Variants in ZBTB20 observed in about 807,000 individuals in gnomAD.
ZBTB20 encodes the protein zinc finger and BTB domain containing 20.
In ZBTB20, 9 loss-of-function variants were observed where a neutral mutation model predicts 56.9. That is an observed-to-expected ratio of 0.16 (90% CI 0.10 to 0.28). ZBTB20 has a LOEUF of 0.28. Ranked by LOEUF, ZBTB20 falls within the 10% of genes least tolerant of loss-of-function variation. ZBTB20 has a pLI of 1.00. For missense variants in ZBTB20, 655 were observed against 1,003.0 expected, an observed-to-expected ratio of 0.65 and a Z score of 4.69; for synonymous variants, 417 against 420.7, an observed-to-expected ratio of 0.99 and a Z score of 0.11.
At chr3:115,085,891 T>G (rs1391375066) in intron 1 of ZBTB20, among the ~76,000 whole-genome samples, 1 of 151,932 alleles carries the variant, frequency 6.6e-6, no homozygotes, top group African/African-American at 2.4e-5. Context: ...GCTGAGTATT[T>G]AAATGGCAAT....
chr3:114,456,881 G>A (rs1268799675), intron 7 of ZBTB20, among the ~76,000 whole-genome samples: 1 of 152,224 alleles, frequency 6.6e-6, no homozygotes, highest in Admixed American at 6.5e-5. Flanking sequence ...TGCTACTTAG[G>A]GAGAAAGAAG....
intron 6 of ZBTB20, among the ~76,000 whole-genome samples, chr3:114,616,656 T>C (rs2057967345): frequency 6.6e-6 from 1 of 152,208 alleles, no homozygotes; most frequent in Non-Finnish European, 1.5e-5. Context: ...CACTCCATAA[T>C]TTTAACTATT....
intron 6 of ZBTB20, among the ~76,000 whole-genome samples, chr3:114,669,683 G>A (rs1018644736): frequency 2.7e-5 from 4 of 150,180 alleles, no homozygotes; most frequent in Non-Finnish European, 5.9e-5. Flanking sequence ...TTTTTTCTAG[G>A]ACCAGTTTTT....
chr3:114,904,103 A>G (rs1463110697), intron 3 of ZBTB20, among the ~76,000 whole-genome samples: 1 of 151,992 alleles, frequency 6.6e-6, no homozygotes, highest in Non-Finnish European at 1.5e-5. Context: ...TTCCAGATGC[A>G]GATATACTAT....
At chr3:114,698,551 G>A (rs1218827686) in intron 5 of ZBTB20, among the ~76,000 whole-genome samples, 2 of 152,076 alleles carry the variant, frequency 1.3e-5, no homozygotes, top group East Asian at 3.9e-4. Flanking sequence ...GGTCCTTCCT[G>A]TACCTGAGTG....
chr3:114,803,061 C>T (rs2071835367), intron 4 of ZBTB20, among the ~76,000 whole-genome samples: 1 of 151,508 alleles, frequency 6.6e-6, no homozygotes, highest in South Asian at 2.1e-4. Context: ...TCTCCTTCTC[C>T]TCTTTGATCT....
At position 114,656,107 on chromosome 3, in the gene ZBTB20, T is replaced by C. The variant is rs184103052; in HGVS notation, c.-295+37421A>G. On this transcript the variant is annotated intron_variant, in intron 6 of 11. Transcript: ENST00000675478. The stretch of plus-strand genomic sequence containing the variant: ...TCTGGTTTTGCAGTTGTTTTTCTTT[T>C]CAATCATTAAGAAATGGCATTACAT... Among the ~76,000 whole-genome samples, 22 of 152,312 alleles carry C rather than the reference T, an allele frequency of 1.4e-4. No individual in the cohort carries two copies. In the East Asian group the frequency reaches 4.2e-3, roughly 29 times the overall value.
intron 7 of ZBTB20, among the ~76,000 whole-genome samples, chr3:114,404,733 CA>C (rs2087142526): frequency 6.6e-6 from 1 of 152,072 alleles, no homozygotes; most frequent in Non-Finnish European, 1.5e-5. Context: ...ACAGAAAACC[CA>C]ATACCCGGAG....
At chr3:114,667,749 G>A (rs1432981716) in intron 6 of ZBTB20, among the ~76,000 whole-genome samples, 5 of 151,996 alleles carry the variant, frequency 3.3e-5, no homozygotes, top group Non-Finnish European at 5.9e-5. Flanking sequence ...GCATAAGAGT[G>A]TTAAGAAATG....
At chr3:114,468,758 T>TAATA (rs2092645525) in intron 7 of ZBTB20, among the ~76,000 whole-genome samples, 1 of 152,128 alleles carries the variant, frequency 6.6e-6, no homozygotes, top group East Asian at 1.9e-4. Flanking sequence ...CTTTAACAGG[T>TAATA]AATACCACAA....
chr3:114,342,490 G>T (rs2079857773), intron 11 of ZBTB20, among the ~76,000 whole-genome samples: 1 of 152,146 alleles, frequency 6.6e-6, no homozygotes, highest in Non-Finnish European at 1.5e-5. Context: ...GATCCATTTT[G>T]GGCCTATACA....
In ZBTB20 at chr3:114,719,566, G is replaced by A. The variant is rs527506342; in HGVS notation, c.-342-25991C>T. ...CCAGTATTGGGTTATTAGGGGCACC[G>A]ATTGCAAGTTCTAAGCCTTTATCTA... On this transcript the variant is annotated intron_variant, in intron 5 of 11. Coordinates refer to ENST00000675478, the MANE Select transcript of ZBTB20 (RefSeq NM_001348800.3). Among the ~76,000 whole-genome samples the A allele has an allele frequency of 1.7e-4, 26 of 152,156 alleles. No homozygotes were observed. In the South Asian group the frequency reaches 3.9e-3, roughly 23 times the overall value.
chr3:114,942,172 A>G (rs1205053098), intron 3 of ZBTB20, among the ~76,000 whole-genome samples: 4 of 145,874 alleles, frequency 2.7e-5, no homozygotes, highest in Admixed American at 1.3e-4. Context: ...CTCCTAGTCT[A>G]TCAGTATTAT....
intron 5 of ZBTB20, among the ~76,000 whole-genome samples, chr3:114,760,142 T>A (rs1446960248): frequency 6.6e-6 from 1 of 152,176 alleles, no homozygotes; most frequent in Non-Finnish European, 1.5e-5. Context: ...AATAAAAAAA[T>A]TTTATTAATG....
intron 2 of ZBTB20, among the ~76,000 whole-genome samples, chr3:115,013,638 A>T (rs2079815858): frequency 6.6e-6 from 1 of 151,716 alleles, no homozygotes; most frequent in Admixed American, 6.6e-5. Flanking sequence ...ATACTCTGAA[A>T]AACAGAGGAG....
chr3:114,673,010 A>C (rs2061434033), intron 6 of ZBTB20, among the ~76,000 whole-genome samples: 1 of 152,178 alleles, frequency 6.6e-6, no homozygotes, highest in Non-Finnish European at 1.5e-5. Context: ...CCATACACAC[A>C]GAAGTTTGAG....
At chr3:115,125,513 G>C (rs1363186392) in intron 1 of ZBTB20, among the ~76,000 whole-genome samples, 1 of 152,158 alleles carries the variant, frequency 6.6e-6, no homozygotes, top group Non-Finnish European at 1.5e-5. Flanking sequence ...ACTCATGTGG[G>C]AGCTAAAACA....
At chr3:114,372,028 A>G (rs1440660606) in intron 10 of ZBTB20, among the ~76,000 whole-genome samples, 1 of 152,228 alleles carries the variant, frequency 6.6e-6, no homozygotes, top group African/African-American at 2.4e-5. Flanking sequence ...ATTTCCTTAA[A>G]GCAAGAAGTC....
intron 2 of ZBTB20, among the ~76,000 whole-genome samples, chr3:115,049,994 G>T (rs561786952): frequency 6.6e-6 from 1 of 152,074 alleles, no homozygotes; most frequent in African/African-American, 2.4e-5. Context: ...ACAGCCAAAA[G>T]ATTATATCAT....
Sources: gnomAD v4.1 joint callset for allele counts (sites outside exome capture counted in the v4.1 genomes callset) on GRCh38, gnomAD v4.1.1 for gene constraint, MANE v1.5 for transcripts, NCBI Gene and HGNC (gene_info 2026-07-23, HGNC 2026-07-21) for gene names.